DNAJC8: variants seen among roughly 807,000 people sequenced by gnomAD.
DNAJC8 encodes dnaJ homolog subfamily C member 8.
A neutral mutation model predicts 43.2 loss-of-function variants in DNAJC8; 24 were observed. The observed-to-expected ratio is 0.56, with a 90% CI of 0.40 to 0.78. The LOEUF is 0.78. Ranked by LOEUF, DNAJC8 falls within the 30% of genes least tolerant of loss-of-function variation. The probability of loss-of-function intolerance (pLI) is 0.00; values close to 1 mark genes in which losing one functional copy is unlikely to be tolerated. For missense variants in DNAJC8, 207 were observed against 299.4 expected, an observed-to-expected ratio of 0.69 and a Z score of 2.28; for synonymous variants, 83 against 98.0, an observed-to-expected ratio of 0.85 and a Z score of 0.90.
intron 3 of DNAJC8, 99 bp from the exon 4 acceptor site, chr1:28,210,736 G>T: frequency 1.3e-6 from 1 of 783,342 alleles, no homozygotes; most frequent in Non-Finnish European, 2.1e-6. Context: ...AGGTCCTACG[G>T]CAAAAAGAGA....
intron 2 of DNAJC8, 40 bp downstream of exon 2, chr1:28,228,882 T>TC (rs1484387194): frequency 1.3e-6 from 2 of 1,521,424 alleles, no homozygotes; most frequent in Non-Finnish European, 9.1e-7. Flanking sequence ...TATGCAAATC[T>TC]CCCCCATTAC....
rs1318965374 is a variant in DNAJC8, at chr1:28,205,335, T to C, written c.486A>G (p.Val162=). 9 of 1,608,416 alleles carry C rather than the reference T, an allele frequency of 5.6e-6. No individual in the cohort carries two copies. The South Asian group carries it at 6.7e-5, about 12-fold the overall frequency. The change falls in exon 7 of 9, where the codon GTA becomes GTG. Residue 162 remains valine (V), a synonymous_variant. Transcript: ENST00000263697. ...CAAAGAGTTTCATTGTCTGTTTATA[T>C]ACAGCTTGTTTGAACTACAGGAAAA... ...EDDPELFKQA[V]YKQTMKLFAE...
chr1:28,204,279 T>C (rs1646754875), intron 7 of DNAJC8, among the ~76,000 whole-genome samples: 1 of 152,158 alleles, frequency 6.6e-6, no homozygotes, highest in Admixed American at 6.5e-5. Flanking sequence ...CAATATAAAA[T>C]ACATACAGAA....
At chr1:28,204,607 T>C (rs1182583225) in intron 7 of DNAJC8, among the ~76,000 whole-genome samples, 2 of 152,336 alleles carry the variant, frequency 1.3e-5, no homozygotes, top group Middle Eastern at 3.4e-3. Context: ...TACAGTACTA[T>C]ACACTCACCA....
chr1:28,223,948 A>T (rs2149022999), intron 2 of DNAJC8, among the ~76,000 whole-genome samples: 1 of 152,250 alleles, frequency 6.6e-6, no homozygotes, highest in East Asian at 1.9e-4. Context: ...TGCCAAAAGG[A>T]ACCAGCGCTC....
chr1:28,214,551 A>T (rs1435145522), intron 3 of DNAJC8, among the ~76,000 whole-genome samples: 1 of 152,170 alleles, frequency 6.6e-6, no homozygotes, highest in Non-Finnish European at 1.5e-5. Flanking sequence ...AAGAATAAAA[A>T]TAAAAGATAA....
At chr1:28,212,830 G>A (rs1019391694) in intron 3 of DNAJC8, among the ~76,000 whole-genome samples, 9 of 152,060 alleles carry the variant, frequency 5.9e-5, no homozygotes, top group Admixed American at 2.0e-4. Context: ...ATGAGACCTC[G>A]AGCAAATCAC....
Position 28,232,963 on chromosome 1 carries a change from G to C in DNAJC8, c.36C>G (p.Gly12=), listed in dbSNP as rs761918659. The C allele has an allele frequency of 2.2e-5, 36 of 1,612,886 alleles. No individual in the cohort carries two copies. Among genetic ancestry groups the C allele is most frequent in the Non-Finnish European group, 8.5e-7 (1 of 1,180,020 alleles). ...AASGESGTSG[G]GGSTEEAFMT... is the part of the protein sequence containing the mutation. ...TAAATGCTTCCTCGGTGCTGCCTCCGCCGCCTGAAGTCCCGCTCTCTCCTG... is the reference window on the plus strand; with the variant it reads ...TAAATGCTTCCTCGGTGCTGCCTCCCCCGCCTGAAGTCCCGCTCTCTCCTG... The change falls in exon 1 of 9, where the codon GGC becomes GGG. Residue 12 remains glycine (G), a synonymous_variant. Coordinates refer to ENST00000263697, the MANE Select transcript of DNAJC8 (RefSeq NM_014280.3).
Position 28,212,212 on chromosome 1 carries a change from T to C in DNAJC8, c.238-1575A>G, listed in dbSNP as rs189100505. On this transcript the variant is annotated intron_variant, in intron 3 of 8. Transcript: ENST00000263697. ...ATATATATATATATATATATATATA[T>C]ATAAATGAAATTAACTATTCAATAT... Among the ~76,000 whole-genome samples the C allele has an allele frequency of 5.7e-4, 66 of 116,630 alleles. 2 individuals carry two copies. The highest frequency in any genetic ancestry group is 5.0e-3 in the Admixed American group (52 of 10,496). The allele number at this position is 116,630 out of a possible 152,430, so 76.5% of individuals were successfully genotyped here. A position where few individuals can be genotyped will look rare whatever the true frequency, so the allele number is the denominator to read the frequency against.
intron 1 of DNAJC8, among the ~76,000 whole-genome samples, chr1:28,229,730 C>T (rs538066956): frequency 3.3e-5 from 5 of 150,624 alleles, no homozygotes; most frequent in East Asian, 1.9e-4. Context: ...GCCAAGATCG[C>T]GCCACTGGAC....
chr1:28,208,691 C>T (rs1381378746), intron 5 of DNAJC8: 3 of 234,844 alleles, frequency 1.3e-5, no homozygotes, highest in African/African-American at 2.3e-5. Flanking sequence ...CCCAACTCAT[C>T]AGATCCAAAA....
At chr1:28,202,577 CCTTT>C in intron 8 of DNAJC8, among the ~76,000 whole-genome samples, 1 of 136,136 alleles carries the variant, frequency 7.3e-6, no homozygotes, top group Non-Finnish European at 1.6e-5. Context: ...CCTCACCCGG[CCTTT>C]TTTTTTCTTT....
At chr1:28,203,682 G>T in intron 8 of DNAJC8, 65 bp downstream of exon 8, 1 of 1,512,312 alleles carries the variant, frequency 6.6e-7, no homozygotes. Flanking sequence ...TCAGTCCTGG[G>T]AGCGCCACAG....
rs1318965374 is a variant in DNAJC8 at position 28,205,335 on chromosome 1, T to A, written c.486A>T (p.Val162=). The A allele has an allele frequency of 6.2e-7, 1 of 1,608,416 alleles. No homozygotes were observed. The highest frequency in any genetic ancestry group is 8.5e-7 in the Non-Finnish European group (1 of 1,178,638). Residue 162 remains valine, a synonymous_variant, in exon 7 of 9, where the codon GTA becomes GTT. Transcript: ENST00000263697. ...CAAAGAGTTTCATTGTCTGTTTATA[T>A]ACAGCTTGTTTGAACTACAGGAAAA... ...EDDPELFKQA[V]YKQTMKLFAE...
intron 7 of DNAJC8, among the ~76,000 whole-genome samples, chr1:28,204,718 G>C (rs7533624): frequency 1.3e-4 from 19 of 151,900 alleles, no homozygotes; most frequent in African/African-American, 4.6e-4. Flanking sequence ...CACACACAAG[G>C]CTCTTGATTA....
At chr1:28,223,060 G>A (rs1351566600) in intron 2 of DNAJC8, among the ~76,000 whole-genome samples, 1 of 152,014 alleles carries the variant, frequency 6.6e-6, no homozygotes, top group Non-Finnish European at 1.5e-5. Flanking sequence ...CCCAAGCAAG[G>A]ACATTCCCAC....
chr1:28,208,104 G>T (rs1199705299), intron 6 of DNAJC8, among the ~76,000 whole-genome samples: 1 of 152,150 alleles, frequency 6.6e-6, no homozygotes, highest in Admixed American at 6.5e-5. Context: ...TACTTGGGAG[G>T]CTGAGGCAGA....
At chr1:28,228,852 G>T in intron 2 of DNAJC8, 70 bp downstream of exon 2, 1 of 1,256,002 alleles carries the variant, frequency 8.0e-7, no homozygotes, top group Non-Finnish European at 1.1e-6. Flanking sequence ...TATGTATTCT[G>T]ATGTAGGTAT....
intron 2 of DNAJC8, among the ~76,000 whole-genome samples, chr1:28,217,673 G>T (rs1039353755): frequency 1.3e-5 from 2 of 151,910 alleles, no homozygotes; most frequent in East Asian, 3.9e-4. Flanking sequence ...GGAATCTCTA[G>T]GGGTAAACCA....
Sources: gnomAD v4.1 joint callset for allele counts (sites outside exome capture counted in the v4.1 genomes callset) on GRCh38, gnomAD v4.1.1 for gene constraint, MANE v1.5 for transcripts, NCBI Gene and HGNC (gene_info 2026-07-23, HGNC 2026-07-21) for gene names.